The following GLG1 variants were observed in gnomAD, a reference collection of about 807,000 sequenced individuals.
GLG1 encodes the protein golgi glycoprotein 1, also known as Golgi apparatus protein 1.
A neutral mutation model predicts 160.5 loss-of-function variants in GLG1; 38 were observed. That is an observed-to-expected ratio of 0.24 (90% CI 0.18 to 0.31). The LOEUF is 0.31. Among genes scored for constraint, GLG1 ranks in the 10% least tolerant of loss-of-function variants. GLG1 has a pLI of 1.00. For synonymous variants in GLG1, 644 were observed against 543.4 expected (o/e 1.19, Z -2.57); for missense variants, 1,373 against 1,505.2 (o/e 0.91, Z 1.45).
intron 1 of GLG1, among the ~76,000 whole-genome samples, chr16:74,604,246 G>A (rs1163082078): frequency 6.6e-6 from 1 of 152,136 alleles, no homozygotes; most frequent in Non-Finnish European, 1.5e-5. Context: ...AAAAGCAAAA[G>A]TTAAGTTTGA....
At chr16:74,512,196 T>C (rs1439497586) in intron 2 of GLG1, among the ~76,000 whole-genome samples, 2 of 145,118 alleles carry the variant, frequency 1.4e-5, no homozygotes, top group East Asian at 4.3e-4. Flanking sequence ...TCTTGCTCTG[T>C]CACCCAGGCT....
Position 74,465,833 on chromosome 16 carries a change from G to A in GLG1, c.2530-20C>T, listed in dbSNP as rs1163613558. On this transcript the variant is annotated intron_variant, in intron 18 of 25. Coordinates refer to ENST00000422840, the MANE Select transcript of GLG1 (RefSeq NM_001145667.2). ...GATAATCTATGGCAAAAGAGTTATA[G>A]TCAAGTTGAGAGATGTCAGAGACTG... 6 of 1,611,104 alleles carry A rather than the reference G, an allele frequency of 3.7e-6. No homozygotes were observed. The African/African-American group carries it at 6.7e-5, about 18-fold the overall frequency.
chr16:74,532,199 T>C (rs778059162), intron 1 of GLG1, 46 bp from the exon 2 acceptor site: 1 of 599,688 alleles, frequency 1.7e-6, no homozygotes, highest in Non-Finnish European at 2.6e-6. Flanking sequence ...AAAAAATATA[T>C]ATATATATAT....
chr16:74,471,973 C>T (rs1202419510), intron 14 of GLG1, among the ~76,000 whole-genome samples: 4 of 152,108 alleles, frequency 2.6e-5, no homozygotes, highest in Non-Finnish European at 5.9e-5. Context: ...GGCACAATCA[C>T]GGCTCACTGC....
intron 1 of GLG1, among the ~76,000 whole-genome samples, chr16:74,601,699 G>A (rs1422150349): frequency 9.9e-5 from 15 of 152,130 alleles, no homozygotes; most frequent in African/African-American, 1.7e-4. Flanking sequence ...TTAAATTAGC[G>A]TTGGGTGATA....
At chr16:74,516,185 C>T (rs2016972767) in intron 2 of GLG1, among the ~76,000 whole-genome samples, 1 of 151,636 alleles carries the variant, frequency 6.6e-6, no homozygotes, top group Non-Finnish European at 1.5e-5. Context: ...GAATTGAACT[C>T]AGCTCTGCAC....
At chr16:74,454,648 A>G (rs2014455035) in intron 25 of GLG1, among the ~76,000 whole-genome samples, 1 of 131,016 alleles carries the variant, frequency 7.6e-6, no homozygotes, top group Admixed American at 8.4e-5. Flanking sequence ...CCTGGGCAAC[A>G]GGACGAGAAT....
rs1406221519 is a variant in GLG1, at chr16:74,606,822, A to AGGCGGCTGC, written c.264_272dup (p.Gln89_Pro91dup). ...GGGCCGGAGGCCCACCCGCCGGGAA[A>AGGCGGCTGC]GGCGGCTGCGGCGGCTGAGGCTGCT... On this transcript the variant is annotated inframe_insertion, in exon 1 of 26. Coordinates refer to ENST00000422840, the MANE Select transcript of GLG1 (RefSeq NM_001145667.2). 6 of 1,603,906 alleles carry AGGCGGCTGC rather than the reference A, an allele frequency of 3.7e-6. No homozygotes were observed. In the East Asian group the frequency reaches 1.1e-4, roughly 30 times the overall value.
intron 1 of GLG1, among the ~76,000 whole-genome samples, chr16:74,569,635 G>T (rs1368505395): frequency 2.0e-5 from 3 of 152,120 alleles, no homozygotes; most frequent in Non-Finnish European, 2.9e-5. Context: ...GCCGAGATGG[G>T]TGGATCACCT....
At chr16:74,589,253 T>C (rs1208954480) in intron 1 of GLG1, among the ~76,000 whole-genome samples, 1 of 74,382 alleles carries the variant, frequency 1.3e-5, no homozygotes, top group Non-Finnish European at 2.5e-5. Flanking sequence ...AAACTCTCTG[T>C]CTCAAAAAAA....
chr16:74,451,880 C>G lies in GLG1; in HGVS notation c.*1287G>C. ...CCATATTCTGCAAAGGTTGATGAAT[C>G]GCCAAAATACAACATTTAGCCAATG... On this transcript the variant is annotated 3_prime_UTR_variant, in exon 26 of 26. Coordinates refer to ENST00000422840, the MANE Select transcript of GLG1 (RefSeq NM_001145667.2). 1.7e-6 allele frequency: 1 copy of G among 584,648 alleles called. No homozygotes were observed. Among genetic ancestry groups the G allele is most frequent in the Non-Finnish European group, 3.1e-6 (1 of 323,554 alleles). The allele number at this position is 584,648 out of a possible 1,614,324, so 36.2% of individuals were successfully genotyped here.
At chr16:74,541,314 G>T (rs1244842452) in intron 1 of GLG1, among the ~76,000 whole-genome samples, 2 of 131,360 alleles carry the variant, frequency 1.5e-5, no homozygotes, top group East Asian at 4.3e-4. Flanking sequence ...GCAGAGCAAG[G>T]CTCTGTCTCC....
intron 18 of GLG1, among the ~76,000 whole-genome samples, chr16:74,466,523 A>G (rs1396965884): frequency 5.3e-5 from 8 of 152,252 alleles, no homozygotes; most frequent in Admixed American, 5.2e-4. Context: ...GGCATGGCCA[A>G]GAATCACTAA....
At chr16:74,585,378 C>T (rs934480002) in intron 1 of GLG1, among the ~76,000 whole-genome samples, 1 of 152,060 alleles carries the variant, frequency 6.6e-6, no homozygotes, top group African/African-American at 2.4e-5. Flanking sequence ...CAGTGCACTG[C>T]AGCCTGGGCA....
chr16:74,517,018 C>A (rs1314916514), intron 2 of GLG1, among the ~76,000 whole-genome samples: 1 of 152,190 alleles, frequency 6.6e-6, no homozygotes, highest in Non-Finnish European at 1.5e-5. Flanking sequence ...AGTTGAATCT[C>A]TGAATAGACT....
At chr16:74,462,289 C>CACAAGA in intron 21 of GLG1, 94 bp from the exon 22 acceptor site, 1 of 819,592 alleles carries the variant, frequency 1.2e-6, no homozygotes, top group Non-Finnish European at 2.0e-6. Flanking sequence ...CAACAACAAC[C>CACAAGA]ACAAGAACAA....
At position 74,452,218 on chromosome 16, in the gene GLG1, G is replaced by A. The variant is rs138872449; in HGVS notation, c.*949C>T. 269 of 1,538,534 alleles carry A rather than the reference G, an allele frequency of 1.7e-4. 1 individual carries two copies. The highest frequency in any genetic ancestry group is 5.5e-4 in the Middle Eastern group (3 of 5,414). Reference sequence around the variant, plus strand: ...ACACCCATCTTCAAGGACCCCTCCCGCCACAGTCCTGCCTCCTGATGAAGC... The same window carrying A: ...ACACCCATCTTCAAGGACCCCTCCCACCACAGTCCTGCCTCCTGATGAAGC... On this transcript the variant is annotated 3_prime_UTR_variant, in exon 26 of 26. Coordinates refer to ENST00000422840, the MANE Select transcript of GLG1 (RefSeq NM_001145667.2).
At chr16:74,479,051 C>CAAAAAAA (rs34125450) in intron 11 of GLG1, among the ~76,000 whole-genome samples, 985 of 17,568 alleles carry the variant, frequency 0.056, 338 homozygotes, top group Admixed American at 0.1. Context: ...ATTAAAAATC[C>CAAAAAAA]AAAAAAAAAA....
chr16:74,470,194 C>A, intron 15 of GLG1, 121 bp from the exon 16 acceptor site: 1 of 700,366 alleles, frequency 1.4e-6, no homozygotes, highest in Non-Finnish European at 2.6e-6. Context: ...TGGCTTGACC[C>A]ACACGTGAGA....
Sources: allele counts gnomAD v4.1 joint callset (sites outside exome capture counted in the v4.1 genomes callset), GRCh38; gene constraint gnomAD v4.1.1; transcripts MANE v1.5; gene names NCBI Gene and HGNC (gene_info 2026-07-23, HGNC 2026-07-21).